The following GALNT17 variants were observed in gnomAD, a reference collection of about 807,000 sequenced individuals.
The protein encoded by GALNT17 is UDP-GalNAc:polypeptide N-acetylgalactosaminyltransferase-like 3.
GALNT17 carries 29 observed loss-of-function variants against 63.7 expected under a neutral mutation model. The observed-to-expected ratio is 0.46, with a 90% CI of 0.34 to 0.62. GALNT17 has a LOEUF of 0.62. GALNT17 is among the 20% of genes least tolerant of loss of function. The pLI, the probability that GALNT17 is intolerant of heterozygous loss-of-function variation, is 0.01. For synonymous variants in GALNT17, 305 were observed against 318.3 expected (o/e 0.96, Z 0.45); for missense variants, 603 against 799.6 (o/e 0.75, Z 2.97).
intron 8 of GALNT17, among the ~76,000 whole-genome samples, chr7:71,676,832 A>ACTTAGAAGCCACTGAGAAG (rs1259909939): frequency 6.6e-6 from 1 of 152,140 alleles, no homozygotes; most frequent in Non-Finnish European, 1.5e-5. Flanking sequence ...CACTTAGAAG[A>ACTTAGAAGCCACTGAGAAG]CTTAGAAGCC....
chr7:71,616,945 TA>T (rs1260455694), intron 6 of GALNT17, among the ~76,000 whole-genome samples: 1 of 146,084 alleles, frequency 6.8e-6, no homozygotes, highest in Non-Finnish European at 1.5e-5. Context: ...ATCATATGGT[TA>T]ATAATTAACT....
At chr7:71,329,908 T>G (rs900115627) in intron 1 of GALNT17, among the ~76,000 whole-genome samples, 1 of 129,454 alleles carries the variant, frequency 7.7e-6, no homozygotes, top group African/African-American at 2.9e-5. Context: ...TATATGTATA[T>G]ATATATGTAT....
In GALNT17 at chr7:71,237,950, T is replaced by A. The variant is rs571258374; in HGVS notation, c.239-97600T>A. On this transcript the variant is annotated intron_variant, in intron 1 of 10. Coordinates refer to ENST00000333538, the MANE Select transcript of GALNT17 (RefSeq NM_022479.3). Reference sequence around the variant, plus strand: ...CTATCCTTGCTGAGTTTGAAATCACTTGAGAAATAAACACGGGAATCTGAC... The same window carrying A: ...CTATCCTTGCTGAGTTTGAAATCACATGAGAAATAAACACGGGAATCTGAC... 5.9e-5 allele frequency among the ~76,000 whole-genome samples: 9 copies of A among 152,330 alleles called. No homozygotes were observed. In the South Asian group the frequency reaches 1.9e-3, roughly 32 times the overall value.
intron 1 of GALNT17, among the ~76,000 whole-genome samples, chr7:71,151,760 A>G (rs962444811): frequency 6.6e-6 from 1 of 152,210 alleles, no homozygotes; most frequent in Non-Finnish European, 1.5e-5. Context: ...AAGTATTGAA[A>G]TATGGCTAAG....
At chr7:71,373,120 C>T (rs554702892) in intron 2 of GALNT17, among the ~76,000 whole-genome samples, 4 of 152,274 alleles carry the variant, frequency 2.6e-5, no homozygotes, top group South Asian at 4.1e-4. Flanking sequence ...GAAAGGTCAG[C>T]GCTTGGAGCC....
chr7:71,275,747 G>T (rs752906917), intron 1 of GALNT17, among the ~76,000 whole-genome samples: 3 of 152,154 alleles, frequency 2.0e-5, no homozygotes, highest in Non-Finnish European at 4.4e-5. Flanking sequence ...TGTTCCTTTT[G>T]CAGGATCTGT....
chr7:71,268,763 C>G (rs973871514), intron 1 of GALNT17, among the ~76,000 whole-genome samples: 1 of 151,956 alleles, frequency 6.6e-6, no homozygotes, highest in Admixed American at 6.6e-5. Context: ...TGTGACTTCT[C>G]TGGACTTGGA....
intron 3 of GALNT17, among the ~76,000 whole-genome samples, chr7:71,408,969 T>G (rs1295924920): frequency 6.6e-6 from 1 of 151,634 alleles, no homozygotes; most frequent in African/African-American, 2.4e-5. Flanking sequence ...TGTGTACATG[T>G]GTATATATAC....
chr7:71,545,823 A>G (rs1352396328), intron 5 of GALNT17, among the ~76,000 whole-genome samples: 1 of 152,196 alleles, frequency 6.6e-6, no homozygotes, highest in Non-Finnish European at 1.5e-5. Flanking sequence ...ATGGAGCTTC[A>G]GCTATGAAAT....
intron 5 of GALNT17, among the ~76,000 whole-genome samples, chr7:71,468,171 A>G (rs1197162811): frequency 6.6e-6 from 1 of 152,010 alleles, no homozygotes; most frequent in Admixed American, 6.6e-5. Context: ...GGGACTGCAG[A>G]TGCTCACCAC....
chr7:71,652,347 T>C (rs763930791), intron 6 of GALNT17, among the ~76,000 whole-genome samples: 10 of 152,142 alleles, frequency 6.6e-5, no homozygotes, highest in Admixed American at 2.0e-4. Context: ...AAGATTGAAA[T>C]TGAATTTTTT....
chr7:71,133,493 G>C (rs1325410678), intron 1 of GALNT17, among the ~76,000 whole-genome samples: 1 of 152,116 alleles, frequency 6.6e-6, no homozygotes, highest in South Asian at 2.1e-4. Context: ...CAAAGTCAAG[G>C]CCCCAGGTCG....
At chr7:71,335,839 T>C (rs761399319) in intron 2 of GALNT17, 106 bp downstream of exon 2, 66 of 1,044,494 alleles carry the variant, frequency 6.3e-5, no homozygotes, top group South Asian at 1.3e-4. Flanking sequence ...CTTGGGGGAG[T>C]TTTTATTTTA....
chr7:71,341,590 C>T (rs1160279713), intron 2 of GALNT17, among the ~76,000 whole-genome samples: 1 of 152,122 alleles, frequency 6.6e-6, no homozygotes, highest in Non-Finnish European at 1.5e-5. Flanking sequence ...GCATTAGATT[C>T]CTCTGTAGAA....
At chr7:71,217,327 T>A (rs565484634) in intron 1 of GALNT17, among the ~76,000 whole-genome samples, 4 of 152,144 alleles carry the variant, frequency 2.6e-5, no homozygotes, top group Admixed American at 2.6e-4. Context: ...AATTTTCATT[T>A]GCGGGTATAT....
Position 71,230,717 on chromosome 7 carries a change from C to T in GALNT17, c.238+97677C>T, listed in dbSNP as rs144514431. Among the ~76,000 whole-genome samples the T allele has an allele frequency of 6.4e-3, 981 of 152,136 alleles. 13 individuals are homozygous for T. The highest frequency in any genetic ancestry group is 0.021 in the African/African-American group (892 of 41,494). ...TTCATTAGGAGCCATGGACCCTGCC[C>T]GGGAGGTTAGGAGGGCATCCAGACC... On this transcript the variant is annotated intron_variant, in intron 1 of 10. Coordinates refer to ENST00000333538, the MANE Select transcript of GALNT17 (RefSeq NM_022479.3).
chr7:71,620,641 T>G (rs993644292), intron 6 of GALNT17, among the ~76,000 whole-genome samples: 1 of 152,254 alleles, frequency 6.6e-6, no homozygotes, highest in Admixed American at 6.5e-5. Context: ...GTTTTGGGGT[T>G]GATGTGATCA....
At chr7:71,167,370 GT>G (rs1562880038) in intron 1 of GALNT17, among the ~76,000 whole-genome samples, 1 of 151,980 alleles carries the variant, frequency 6.6e-6, no homozygotes, top group African/African-American at 2.4e-5. Context: ...ATTTTTATGT[GT>G]TTATTTGTCA....
chr7:71,362,795 A>G (rs533678582), intron 2 of GALNT17, among the ~76,000 whole-genome samples: 1 of 152,250 alleles, frequency 6.6e-6, no homozygotes, highest in South Asian at 2.1e-4. Context: ...TGAAGGAAAC[A>G]TGGCTGATTT....
Sources: allele counts gnomAD v4.1 joint callset (sites outside exome capture counted in the v4.1 genomes callset), GRCh38; gene constraint gnomAD v4.1.1; transcripts MANE v1.5; gene names NCBI Gene and HGNC (gene_info 2026-07-23, HGNC 2026-07-21).